ENPP6: variants seen among roughly 807,000 people sequenced by gnomAD.
ENPP6 encodes the protein glycerophosphocholine cholinephosphodiesterase ENPP6.
ENPP6 carries 32 observed loss-of-function variants against 42.0 expected under a neutral mutation model. The ratio of observed to expected loss-of-function variants is 0.76; its 90% CI spans 0.58 to 1.02. The LOEUF is 1.02. Ranked by LOEUF, ENPP6 falls within the 50% of genes least tolerant of loss-of-function variation. The pLI, the probability that ENPP6 is intolerant of heterozygous loss-of-function variation, is 0.00. For missense variants in ENPP6, 552 were observed against 566.8 expected (o/e 0.97, Z 0.27); for synonymous variants, 213 against 216.0 (o/e 0.99, Z 0.12).
chr4:184,131,187 T>G lies in ENPP6; in HGVS notation c.422-6915A>C, dbSNP rs1430146481. Among the ~76,000 whole-genome samples, 71 of 65,232 alleles carry G rather than the reference T, an allele frequency of 1.1e-3. 2 individuals are homozygous for G. Among genetic ancestry groups the G allele is most frequent in the African/African-American group, 4.2e-3 (62 of 14,856 alleles). 42.8% of individuals were successfully genotyped at this position (65,232 alleles called of 152,430 possible). On this transcript the variant is annotated intron_variant, in intron 2 of 7. Coordinates refer to ENST00000296741, the MANE Select transcript of ENPP6 (RefSeq NM_153343.4). ...TTTCTTTCTTTCTTTCTTTCTTTCT[T>G]TCTTTCTTTCTTTCTTCTTTCTTTC...
chr4:184,097,107 C>G (rs954819908), intron 7 of ENPP6, 138 bp downstream of exon 7: 4 of 1,282,872 alleles, frequency 3.1e-6, no homozygotes, highest in Non-Finnish European at 4.2e-6. Flanking sequence ...TCATGGAGAC[C>G]GGCTGGGTTT....
intron 7 of ENPP6, 135 bp downstream of exon 7, chr4:184,097,110 C>T: frequency 7.6e-7 from 1 of 1,313,070 alleles, no homozygotes; most frequent in Non-Finnish European, 1.0e-6. Flanking sequence ...TGGAGACCGG[C>T]TGGGTTTGCT....
rs981220904 is a variant in ENPP6, at chr4:184,184,562, C to T, written c.242-30829G>A. On this transcript the variant is annotated intron_variant, in intron 1 of 7. Transcript: ENST00000296741. This position sits in a 1 kb window ranked among gnomAD's most constrained non-coding sequence, Gnocchi z 4.7. ...ACAACCTGTGTCTACCCAGAACCTGCGGAAGTGACCTCATTTGGAAGAAGG... is the reference window on the plus strand; with the variant it reads ...ACAACCTGTGTCTACCCAGAACCTGTGGAAGTGACCTCATTTGGAAGAAGG... Among the ~76,000 whole-genome samples the T allele has an allele frequency of 2.6e-5, 4 of 152,134 alleles. No individual in the cohort carries two copies. Among genetic ancestry groups the T allele is most frequent in the Non-Finnish European group, 5.9e-5 (4 of 68,026 alleles).
chr4:184,107,556 C>A (rs954536091), intron 6 of ENPP6, among the ~76,000 whole-genome samples: 1 of 152,018 alleles, frequency 6.6e-6, no homozygotes, highest in Admixed American at 6.5e-5. Context: ...GTGGGCAGAT[C>A]ACAAGGTCAG....
chr4:184,202,116 T>G (rs1732913756), intron 1 of ENPP6, among the ~76,000 whole-genome samples: 1 of 152,224 alleles, frequency 6.6e-6, no homozygotes, highest in Non-Finnish European at 1.5e-5. Flanking sequence ...AGACATGGTC[T>G]CTGATCCCCT....
intron 2 of ENPP6, among the ~76,000 whole-genome samples, chr4:184,127,842 A>T (rs1736530544): frequency 1.3e-5 from 2 of 152,256 alleles, no homozygotes; most frequent in African/African-American, 4.8e-5. Context: ...AATAAGGTGT[A>T]TACTTAGCAT....
At chr4:184,132,520 G>A (rs961772651) in intron 2 of ENPP6, among the ~76,000 whole-genome samples, 2 of 151,980 alleles carry the variant, frequency 1.3e-5, no homozygotes, top group African/African-American at 4.8e-5. Flanking sequence ...ATAAAGAGAA[G>A]CTTCTAATTT....
intron 1 of ENPP6, among the ~76,000 whole-genome samples, chr4:184,173,008 A>C (rs1312621243): frequency 6.6e-6 from 1 of 152,078 alleles, no homozygotes; most frequent in Non-Finnish European, 1.5e-5. Flanking sequence ...GGGTTCAAGC[A>C]ATTCTCTGCC....
chr4:184,147,865 C>A (rs1736955663), intron 2 of ENPP6, among the ~76,000 whole-genome samples: 1 of 152,000 alleles, frequency 6.6e-6, no homozygotes, highest in African/African-American at 2.4e-5. Flanking sequence ...CTCTCTCCAC[C>A]TTATCCACAC....
At chr4:184,099,096 G>A (rs1735958063) in intron 6 of ENPP6, among the ~76,000 whole-genome samples, 1 of 152,210 alleles carries the variant, frequency 6.6e-6, no homozygotes, top group Non-Finnish European at 1.5e-5. Flanking sequence ...AAGGCTCAGA[G>A]AGGTTAAGTG....
chr4:184,165,820 T>C lies in ENPP6; in HGVS notation c.242-12087A>G, dbSNP rs370518939. On this transcript the variant is annotated intron_variant, in intron 1 of 7. Transcript: ENST00000296741. ...GTACACATACTATCTCAAATTGACA[T>C]GGTTACAAGAAGCAACTTTATATAT... Among the ~76,000 whole-genome samples the C allele has an allele frequency of 2.6e-4, 40 of 152,320 alleles. No homozygotes were observed. In the Middle Eastern group the frequency reaches 0.01, roughly 39 times the overall value.
intron 2 of ENPP6, among the ~76,000 whole-genome samples, chr4:184,153,118 T>C (rs73007840): frequency 0.019 from 2,246 of 118,338 alleles, 65 homozygotes; most frequent in African/African-American, 0.067. Flanking sequence ...ATAAGACATA[T>C]TTCTTTTCTT....
At chr4:184,144,037 G>A (rs908998839) in intron 2 of ENPP6, among the ~76,000 whole-genome samples, 2 of 152,198 alleles carry the variant, frequency 1.3e-5, no homozygotes, top group African/African-American at 4.8e-5. Flanking sequence ...AGCTAGGAAA[G>A]GTGCAGCAGA....
At chr4:184,162,583 G>A (rs1737284560) in intron 1 of ENPP6, among the ~76,000 whole-genome samples, 2 of 150,918 alleles carry the variant, frequency 1.3e-5, no homozygotes, top group South Asian at 2.2e-4. Flanking sequence ...AAGAAAGGAA[G>A]GAAGAGAGGG....
At chr4:184,150,936 C>T (rs1476702454) in intron 2 of ENPP6, among the ~76,000 whole-genome samples, 6 of 152,230 alleles carry the variant, frequency 3.9e-5, no homozygotes, top group African/African-American at 1.4e-4. Context: ...ATATTGGTCC[C>T]TTCTTATCCT....
At chr4:184,170,023 T>C (rs1196161543) in intron 1 of ENPP6, among the ~76,000 whole-genome samples, 1 of 152,208 alleles carries the variant, frequency 6.6e-6, no homozygotes, top group East Asian at 1.9e-4. Flanking sequence ...AAACATACTC[T>C]TGTTATCACA....
chr4:184,147,129 A>G (rs1736940687), intron 2 of ENPP6, among the ~76,000 whole-genome samples: 1 of 152,132 alleles, frequency 6.6e-6, no homozygotes, highest in Admixed American at 6.5e-5. Context: ...CACCCGATTC[A>G]GTGAAGAATC....
At position 184,117,054 on chromosome 4, in the gene ENPP6, C is replaced by T. The variant is rs1579617371; in HGVS notation, c.676-19G>A. 1 of 1,614,066 alleles carries T rather than the reference C, an allele frequency of 6.2e-7. No homozygotes were observed. The highest frequency in any genetic ancestry group is 8.5e-7 in the Non-Finnish European group (1 of 1,179,932). On this transcript the variant is annotated intron_variant, in intron 4 of 7. Coordinates refer to ENST00000296741, the MANE Select transcript of ENPP6 (RefSeq NM_153343.4). ...CCCGCTCCTGTGGGGTGGGAAAAGA[C>T]AGTCATTACGGCACCAACAGAGAGG...
chr4:184,131,279 C>CT (rs796826605), intron 2 of ENPP6, among the ~76,000 whole-genome samples: 6 of 101,404 alleles, frequency 5.9e-5, no homozygotes, highest in African/African-American at 2.2e-4. Flanking sequence ...TTCCTTCCTT[C>CT]CTTCCTTCCT....
Sources: allele counts gnomAD v4.1 joint callset (sites outside exome capture counted in the v4.1 genomes callset), GRCh38; gene constraint gnomAD v4.1.1; non-coding constraint Gnocchi (gnomAD v3.1); transcripts MANE v1.5; gene names NCBI Gene and HGNC (gene_info 2026-07-23, HGNC 2026-07-21).